DCDC2: variants seen among roughly 807,000 people sequenced by gnomAD.
DCDC2 encodes doublecortin domain-containing protein 2.
Under a neutral mutation model 50.2 loss-of-function variants are expected in DCDC2, and 40 were observed. That is an observed-to-expected ratio of 0.80 (90% CI 0.62 to 1.04). The LOEUF (loss-of-function observed/expected upper bound fraction) is 1.04. Among genes scored for constraint, DCDC2 ranks in the 50% least tolerant of loss-of-function variants. DCDC2 has a pLI of 0.00. For missense variants in DCDC2, 570 were observed against 581.9 expected, an observed-to-expected ratio of 0.98 and a Z score of 0.21; for synonymous variants, 234 against 210.6, an observed-to-expected ratio of 1.11 and a Z score of -0.96.
rs1296792659 is a variant in DCDC2 at position 24,171,892 on chromosome 6, G to C, written c.*2838C>G. ...GGTTTCATAAAACTATAAAAACTAT[G>C]TATATAGCATCACAAAGAATTAACA... On this transcript the variant is annotated 3_prime_UTR_variant, in exon 10 of 10. Coordinates refer to ENST00000378454, the MANE Select transcript of DCDC2 (RefSeq NM_016356.5). 1 of 152,198 alleles carries C rather than the reference G, an allele frequency of 6.6e-6. No individual in the cohort carries two copies. The highest frequency in any genetic ancestry group is 2.4e-5 in the African/African-American group (1 of 41,442). The allele number at this position is 152,198 out of a possible 1,614,324, so 9.4% of individuals were successfully genotyped here.
At chr6:24,288,796 C>G in intron 6 of DCDC2, 56 bp downstream of exon 6, 1 of 1,503,604 alleles carries the variant, frequency 6.7e-7, no homozygotes, top group Non-Finnish European at 9.3e-7. Flanking sequence ...AAAGGACAGT[C>G]TCTTTGTATC....
intron 2 of DCDC2, among the ~76,000 whole-genome samples, chr6:24,318,853 G>A (rs1188354469): frequency 2.0e-5 from 3 of 151,554 alleles, no homozygotes; most frequent in South Asian, 2.1e-4. Flanking sequence ...CTTAGGTTGA[G>A]TCCATATCTC....
intron 7 of DCDC2, among the ~76,000 whole-genome samples, chr6:24,222,656 A>G (rs542857540): frequency 1.3e-5 from 2 of 152,354 alleles, no homozygotes; most frequent in Non-Finnish European, 2.9e-5. Context: ...CAGGGTAAAG[A>G]AAGTGAAAAA....
At chr6:24,335,660 T>C (rs1350351269) in intron 2 of DCDC2, among the ~76,000 whole-genome samples, 1 of 152,260 alleles carries the variant, frequency 6.6e-6, no homozygotes, top group East Asian at 1.9e-4. Flanking sequence ...CAAAGGAGGT[T>C]TAATTAACTC....
chr6:24,351,828 G>A (rs1047758428), intron 2 of DCDC2, among the ~76,000 whole-genome samples: 2 of 152,148 alleles, frequency 1.3e-5, no homozygotes, highest in Admixed American at 6.5e-5. Context: ...TTTTAAGGCC[G>A]GGCTTGGTGG....
chr6:24,304,267 A>G (rs1759431123), intron 2 of DCDC2, among the ~76,000 whole-genome samples: 1 of 152,102 alleles, frequency 6.6e-6, no homozygotes, highest in Non-Finnish European at 1.5e-5. Context: ...TGGATCTCCT[A>G]AGGTCAGGAG....
intron 8 of DCDC2, among the ~76,000 whole-genome samples, chr6:24,182,384 G>A (rs1761093595): frequency 6.6e-6 from 1 of 151,854 alleles, no homozygotes; most frequent in African/African-American, 2.4e-5. Flanking sequence ...CCATAGAATG[G>A]GAGGCAATAT....
intron 7 of DCDC2, among the ~76,000 whole-genome samples, chr6:24,264,415 A>G (rs1285678748): frequency 1.5e-5 from 1 of 64,908 alleles, no homozygotes; most frequent in Non-Finnish European, 3.0e-5. Context: ...AAAAATAACT[A>G]CAAAAACTTT....
chr6:24,346,393 A>C (rs1760255747), intron 2 of DCDC2, among the ~76,000 whole-genome samples: 1 of 152,150 alleles, frequency 6.6e-6, no homozygotes, highest in African/African-American at 2.4e-5. Flanking sequence ...GTACAACATC[A>C]TGTAGAGCTG....
At chr6:24,217,372 ATCCAAGGC>A (rs1362057392) in intron 7 of DCDC2, among the ~76,000 whole-genome samples, 1 of 152,252 alleles carries the variant, frequency 6.6e-6, no homozygotes, top group African/African-American at 2.4e-5. Context: ...ATCTCTAATA[ATCCAAGGC>A]TCCAACATTC....
At chr6:24,239,556 C>T (rs150520811) in intron 7 of DCDC2, among the ~76,000 whole-genome samples, 1 of 152,284 alleles carries the variant, frequency 6.6e-6, no homozygotes, top group Non-Finnish European at 1.5e-5. Flanking sequence ...GATTTCCCTG[C>T]CACATTAGGT....
Position 24,357,814 on chromosome 6 carries a change from C to A in DCDC2, c.-64G>T. 1 of 1,606,274 alleles carries A rather than the reference C, an allele frequency of 6.2e-7. No homozygotes were observed. Among genetic ancestry groups the A allele is most frequent in the Non-Finnish European group, 8.5e-7 (1 of 1,175,170 alleles). On this transcript the variant is annotated 5_prime_UTR_variant, in exon 1 of 10. Coordinates refer to ENST00000378454, the MANE Select transcript of DCDC2 (RefSeq NM_016356.5). ...TCGGGAGGCACCTCCGCTGTCCCAG[C>A]GGCCTCACCGCACCCAGGGCGCGGG...
intron 8 of DCDC2, 61 bp from the exon 9 acceptor site, chr6:24,178,693 AC>A (rs1268151292): frequency 9.7e-6 from 14 of 1,445,856 alleles, no homozygotes; most frequent in Non-Finnish European, 9.4e-7. Flanking sequence ...TTTCCACTGC[AC>A]ATCATAGTAA....
intron 7 of DCDC2, among the ~76,000 whole-genome samples, chr6:24,239,763 G>T (rs1762527459): frequency 6.6e-6 from 1 of 152,182 alleles, no homozygotes; most frequent in Non-Finnish European, 1.5e-5. Flanking sequence ...GAAGCCAAGG[G>T]TCTAGAAGAA....
intron 6 of DCDC2, among the ~76,000 whole-genome samples, chr6:24,281,357 T>TTA (rs3077109): frequency 6.7e-6 from 1 of 149,994 alleles, no homozygotes; most frequent in African/African-American, 2.5e-5. Context: ...TTTTTTTTTT[T>TTA]AAAGATAGGC....
chr6:24,335,877 T>A (rs1451593546), intron 2 of DCDC2, among the ~76,000 whole-genome samples: 1 of 152,090 alleles, frequency 6.6e-6, no homozygotes, highest in Non-Finnish European at 1.5e-5. Context: ...ACCTCCTACC[T>A]GGTCCCACCC....
upstream of DCDC2, among the ~76,000 whole-genome samples, chr6:24,362,462 T>G (rs556957748): frequency 7.5e-6 from 1 of 133,090 alleles, no homozygotes; most frequent in African/African-American, 3.0e-5. Context: ...TTTATTTAAT[T>G]GTATATTTAT....
intron 7 of DCDC2, among the ~76,000 whole-genome samples, chr6:24,261,725 T>C (rs542073410): frequency 6.6e-6 from 1 of 152,310 alleles, no homozygotes; most frequent in Admixed American, 6.5e-5. Flanking sequence ...CCAAATGAAT[T>C]ACTTGCACCC....
chr6:24,200,919 T>C (rs1489222184), intron 8 of DCDC2, among the ~76,000 whole-genome samples: 2 of 151,922 alleles, frequency 1.3e-5, no homozygotes, highest in Admixed American at 1.3e-4. Context: ...AGAAGGCCAT[T>C]ACATAATTGT....
Sources: allele counts gnomAD v4.1 joint callset (sites outside exome capture counted in the v4.1 genomes callset), GRCh38; gene constraint gnomAD v4.1.1; transcripts MANE v1.5; gene names NCBI Gene and HGNC (gene_info 2026-07-23, HGNC 2026-07-21).